The following RSRC1 variants were observed in gnomAD, a reference collection of about 807,000 sequenced individuals.
RSRC1 encodes the protein arginine and serine rich coiled-coil 1, also known as serine/Arginine-related protein 53.
Under a neutral mutation model 49.1 loss-of-function variants are expected in RSRC1, and 39 were observed. The observed-to-expected ratio is 0.79, with a 90% CI of 0.61 to 1.04. The LOEUF (loss-of-function observed/expected upper bound fraction) is 1.04. RSRC1 is among the 50% of genes least tolerant of loss of function. RSRC1 has a pLI of 0.00. For missense variants in RSRC1, 388 were observed against 402.4 expected (o/e 0.96, Z 0.31); for synonymous variants, 143 against 130.8 (o/e 1.09, Z -0.63).
chr3:158,122,780 C>A (rs1439882004), intron 2 of RSRC1, among the ~76,000 whole-genome samples: 1 of 151,588 alleles, frequency 6.6e-6, no homozygotes, highest in Non-Finnish European at 1.5e-5. Context: ...CTTCCTGTGT[C>A]CAAGAGTTCT....
chr3:158,490,188 C>T (rs762643244), intron 7 of RSRC1, among the ~76,000 whole-genome samples: 10 of 152,218 alleles, frequency 6.6e-5, no homozygotes, highest in Non-Finnish European at 1.2e-4. Context: ...GGGTTCACAC[C>T]ATTCTCCTGC....
chr3:158,472,431 G>GA (rs1162458591), intron 7 of RSRC1, among the ~76,000 whole-genome samples: 3 of 151,786 alleles, frequency 2.0e-5, no homozygotes, highest in African/African-American at 4.8e-5. Flanking sequence ...ATACAAACCT[G>GA]AAAAAAATAC....
intron 4 of RSRC1, 56 bp from the exon 5 acceptor site, chr3:158,297,983 A>G: frequency 7.9e-7 from 1 of 1,273,814 alleles, no homozygotes; most frequent in Admixed American, 1.7e-5. Context: ...GAGGTAAACA[A>G]ATTAGAGCAG....
At chr3:158,455,606 T>C (rs1359668910) in intron 6 of RSRC1, among the ~76,000 whole-genome samples, 1 of 152,152 alleles carries the variant, frequency 6.6e-6, no homozygotes, top group African/African-American at 2.4e-5. Flanking sequence ...TTGTCACCTC[T>C]GCAGCTGTTC....
At chr3:158,384,250 G>C (rs1220794570) in intron 6 of RSRC1, among the ~76,000 whole-genome samples, 4 of 152,256 alleles carry the variant, frequency 2.6e-5, no homozygotes, top group African/African-American at 9.6e-5. Context: ...ATCTAAGATT[G>C]CAAGTACACA....
At position 158,147,059 on chromosome 3, in the gene RSRC1, C is replaced by G. The variant is rs866557409; in HGVS notation, c.320+23068C>G. Among the ~76,000 whole-genome samples, 3 of 148,764 alleles carry G rather than the reference C, an allele frequency of 2.0e-5. No individual in the cohort carries two copies. The South Asian group carries it at 6.4e-4, about 32-fold the overall frequency. On this transcript the variant is annotated intron_variant, in intron 3 of 9. Coordinates refer to ENST00000611884, the MANE Select transcript of RSRC1 (RefSeq NM_001271838.2). Reference sequence around the variant, plus strand: ...CTGGTGGTAGTGCTGCTGCCTCCCCCTCCCTCTCCATCTTCTTCCTTTTCT... The same window carrying G: ...CTGGTGGTAGTGCTGCTGCCTCCCCGTCCCTCTCCATCTTCTTCCTTTTCT...
intron 4 of RSRC1, among the ~76,000 whole-genome samples, chr3:158,282,916 C>A (rs1214284994): frequency 6.6e-6 from 1 of 152,098 alleles, no homozygotes; most frequent in African/African-American, 2.4e-5. Flanking sequence ...TATTGGAGGA[C>A]TTTTGGTGGT....
At chr3:158,289,297 T>G (rs938665020) in intron 4 of RSRC1, among the ~76,000 whole-genome samples, 2 of 152,214 alleles carry the variant, frequency 1.3e-5, no homozygotes, top group Non-Finnish European at 2.9e-5. Flanking sequence ...CTTGACTGGT[T>G]TTAAGTGGCA....
At chr3:158,417,027 TATC>T (rs1393104564) in intron 6 of RSRC1, among the ~76,000 whole-genome samples, 1 of 152,094 alleles carries the variant, frequency 6.6e-6, no homozygotes, top group Non-Finnish European at 1.5e-5. Flanking sequence ...AGCTTAATAT[TATC>T]ATCATTGTTA....
chr3:158,355,149 T>G (rs1260537757), intron 6 of RSRC1, among the ~76,000 whole-genome samples: 2 of 152,044 alleles, frequency 1.3e-5, no homozygotes, highest in Admixed American at 1.3e-4. Context: ...GGCTTCAGTT[T>G]TAGTTTTTTA....
chr3:158,519,773 T>G (rs1046312679), intron 7 of RSRC1, among the ~76,000 whole-genome samples: 8 of 152,146 alleles, frequency 5.3e-5, no homozygotes, highest in African/African-American at 1.9e-4. Context: ...TTGGGAAAGA[T>G]GTTAAGGCTA....
intron 6 of RSRC1, among the ~76,000 whole-genome samples, chr3:158,374,947 A>G (rs1002229891): frequency 6.6e-6 from 1 of 151,998 alleles, no homozygotes; most frequent in Non-Finnish European, 1.5e-5. Context: ...AAGTTATTTG[A>G]TATGAGTTAA....
intron 5 of RSRC1, among the ~76,000 whole-genome samples, chr3:158,332,032 G>C (rs1578349245): frequency 6.6e-6 from 1 of 151,582 alleles, no homozygotes; most frequent in Non-Finnish European, 1.5e-5. Flanking sequence ...TCATTTTTTA[G>C]GTCAGAAAAG....
intron 3 of RSRC1, among the ~76,000 whole-genome samples, chr3:158,162,784 T>A (rs1026701110): frequency 4.6e-5 from 7 of 152,182 alleles, no homozygotes; most frequent in African/African-American, 1.7e-4. Flanking sequence ...CTGAAGATGT[T>A]CATTGACTTT....
intron 4 of RSRC1, among the ~76,000 whole-genome samples, chr3:158,215,678 T>TA (rs1238611212): frequency 1.3e-5 from 2 of 151,814 alleles, no homozygotes; most frequent in African/African-American, 4.8e-5. Flanking sequence ...GTGGTTGCCC[T>TA]AGGAATTATA....
intron 6 of RSRC1, among the ~76,000 whole-genome samples, chr3:158,428,404 C>T (rs971775186): frequency 2.0e-5 from 3 of 151,914 alleles, no homozygotes; most frequent in Middle Eastern, 3.4e-3. Context: ...AGAGCAGAAC[C>T]GTTCTGGAGC....
At chr3:158,434,333 G>A (rs529605897) in intron 6 of RSRC1, among the ~76,000 whole-genome samples, 2 of 151,906 alleles carry the variant, frequency 1.3e-5, no homozygotes, top group African/African-American at 4.8e-5. Flanking sequence ...TTTATTTACA[G>A]TGTCTTCCCA....
At position 158,529,214 on chromosome 3, in the gene RSRC1, G is replaced by GTGTGTATATATATATATATATA. The variant is rs374368016; in HGVS notation, c.653-7877_653-7876insGTGTATATATATATATATATAT. Reference sequence around the variant, plus strand: ...TTTATGTATATATGTATGTGTGTGTGTATATATATATATATATATATCCTA... The same window carrying GTGTGTATATATATATATATATA: ...TTTATGTATATATGTATGTGTGTGTGTGTGTATATATATATATATATATATATATATATATATATATATCCTA... On this transcript the variant is annotated intron_variant, in intron 7 of 9. Transcript: ENST00000611884. Among the ~76,000 whole-genome samples, 521 of 143,030 alleles carry GTGTGTATATATATATATATATA rather than the reference G, an allele frequency of 3.6e-3. 11 individuals carry two copies. The highest frequency in any genetic ancestry group is 0.013 in the African/African-American group (492 of 37,948). 93.8% of individuals were successfully genotyped at this position (143,030 alleles called of 152,430 possible).
chr3:158,487,524 A>G (rs2108443157), intron 7 of RSRC1, among the ~76,000 whole-genome samples: 1 of 152,280 alleles, frequency 6.6e-6, no homozygotes, highest in South Asian at 2.1e-4. Context: ...ATTCCTGGCC[A>G]CATGAAAGGT....
Sources: allele counts gnomAD v4.1 joint callset (sites outside exome capture counted in the v4.1 genomes callset), GRCh38; gene constraint gnomAD v4.1.1; transcripts MANE v1.5; gene names NCBI Gene and HGNC (gene_info 2026-07-23, HGNC 2026-07-21).